The following TTF2 variants were observed in gnomAD, a reference collection of about 807,000 sequenced individuals.
TTF2 encodes the protein transcription termination factor 2.
In TTF2, 108 loss-of-function variants were observed where a neutral mutation model predicts 142.4. The observed-to-expected ratio is 0.76, with a 90% CI of 0.65 to 0.89. The LOEUF (loss-of-function observed/expected upper bound fraction) is 0.89, where lower values mean the gene tolerates loss of function less well. Ranked by LOEUF, TTF2 falls within the 40% of genes least tolerant of loss-of-function variation. TTF2 has a pLI of 0.00. For missense variants in TTF2, 1,327 were observed against 1,379.8 expected (o/e 0.96, Z 0.61); for synonymous variants, 483 against 506.2 (o/e 0.95, Z 0.61).
At chr1:117,094,683 C>G (rs755955466) in intron 18 of TTF2, 2 of 484,232 alleles carry the variant, frequency 4.1e-6, no homozygotes, top group East Asian at 1.2e-4. Context: ...TGTGTGTACT[C>G]ACAGCCCCTC....
Position 117,076,094 on chromosome 1 carries a change from T to G in TTF2, c.1276-86T>G. The G allele has an allele frequency of 1.4e-6, 2 of 1,383,910 alleles. No individual in the cohort carries two copies. Among genetic ancestry groups the G allele is most frequent in the South Asian group, 1.3e-5 (1 of 75,072 alleles). The allele number at this position is 1,383,910 out of a possible 1,614,324, so 85.7% of individuals were successfully genotyped here. A position where few individuals can be genotyped will look rare whatever the true frequency, so the allele number is the denominator to read the frequency against. On this transcript the variant is annotated intron_variant, in intron 5 of 22. Transcript: ENST00000369466. The surrounding 1 kb of genome is among the most constrained non-coding windows in gnomAD (Gnocchi z 4.6). ...TATTTAAAAGACCATAATTTCAGAG[T>G]TTGGGTGTTTCAGGCTATTTTAATC... is the stretch of plus-strand genomic sequence containing the variant.
In TTF2 at chr1:117,076,420, T is replaced by TA; in HGVS notation, c.1390+126_1390+127insA. 1.1e-6 allele frequency: 1 copy of TA among 907,406 alleles called. No individual in the cohort carries two copies. The highest frequency in any genetic ancestry group is 1.7e-6 in the Non-Finnish European group (1 of 600,772). 56.2% of individuals were successfully genotyped at this position (907,406 alleles called of 1,614,324 possible). On this transcript the variant is annotated intron_variant, in intron 6 of 22. Coordinates refer to ENST00000369466, the MANE Select transcript of TTF2 (RefSeq NM_003594.4). This position sits in a 1 kb window ranked among gnomAD's most constrained non-coding sequence, Gnocchi z 4.6. The stretch of plus-strand genomic sequence containing the variant: ...CCATTTTATTATCTGCTTCTGAGAC[T>TA]TCTTTCACATTACACCTATGGTTCA...
At chr1:117,089,067 T>G in intron 13 of TTF2, 85 bp downstream of exon 13, 1 of 1,409,598 alleles carries the variant, frequency 7.1e-7, no homozygotes. Context: ...AAAGCCTTAG[T>G]ATGTGCCAGA....
chr1:117,103,897 G>A lies in TTF2; in HGVS notation c.*2373G>A, dbSNP rs1440235234. 1 of 149,856 alleles carries A rather than the reference G, an allele frequency of 6.7e-6. No individual in the cohort carries two copies. The highest frequency in any genetic ancestry group is 1.5e-5 in the Non-Finnish European group (1 of 68,126). The allele number at this position is 149,856 out of a possible 1,614,324, so 9.3% of individuals were successfully genotyped here. On this transcript the variant is annotated 3_prime_UTR_variant, in exon 23 of 23. Transcript: ENST00000369466. ...GAACCTGGGAGGTGGAGGTTGCAGTGAGCTGAGATCGCGCCATTGCACTCC... is the reference window on the plus strand; with the variant it reads ...GAACCTGGGAGGTGGAGGTTGCAGTAAGCTGAGATCGCGCCATTGCACTCC...
chr1:117,088,706 G>T (rs559264490), intron 12 of TTF2, 95 bp from the exon 13 acceptor site: 5 of 1,369,186 alleles, frequency 3.7e-6, no homozygotes, highest in Non-Finnish European at 5.0e-6. Context: ...AGGTAAATGT[G>T]GGTCCTCCAT....
Position 117,081,921 on chromosome 1 carries a change from C to T in TTF2, c.1877C>T (p.Thr626Ile). 6.2e-7 allele frequency: 1 copy of T among 1,614,148 alleles called. No homozygotes were observed. Among genetic ancestry groups the T allele is most frequent in the Non-Finnish European group, 8.5e-7 (1 of 1,180,012 alleles). ...AAAAAGGAAGAAAAGGAGAAAAGCACAGCTTTGACGTGGCTCTCCAAAGAT... is the reference window on the plus strand; with the variant it reads ...AAAAAGGAAGAAAAGGAGAAAAGCATAGCTTTGACGTGGCTCTCCAAAGAT... Reference protein sequence around the residue: ...QEKKEEKEKSTALTWLSKDDS... With the variant: ...QEKKEEKEKSIALTWLSKDDS... The change falls in exon 10 of 23, where the codon ACA becomes ATA. Residue 626 changes from threonine to isoleucine, a missense_variant. By Grantham distance (89) the Thr-to-Ile change is moderately conservative (BLOSUM62 -1). Transcript: ENST00000369466.
chr1:117,093,488 T>C lies in TTF2; in HGVS notation c.2976+587T>C, dbSNP rs551333157. Among the ~76,000 whole-genome samples, 20 of 152,322 alleles carry C rather than the reference T, an allele frequency of 1.3e-4. No individual in the cohort carries two copies. The highest frequency in any genetic ancestry group is 4.6e-4 in the African/African-American group (19 of 41,584). On this transcript the variant is annotated intron_variant, in intron 18 of 22. Transcript: ENST00000369466. The surrounding 1 kb of genome is among the most constrained non-coding windows in gnomAD (Gnocchi z 4.5). ...AATGTGCTTCATCATCCTGCCTGTC[T>C]TGAAAGTGAGGCTTGTTTCTCTCTT...
rs2101042837 is a variant in TTF2, at chr1:117,078,178, C to G, written c.1701+135C>G. On this transcript the variant is annotated intron_variant, in intron 8 of 22. Coordinates refer to ENST00000369466, the MANE Select transcript of TTF2 (RefSeq NM_003594.4). ...TAAATGGCTTCCCTTGCAGCATCCT[C>G]TCCTTTTATGCTTAACAGTGCAAAC... is the stretch of plus-strand genomic sequence containing the variant. 1.4e-5 allele frequency: 16 copies of G among 1,143,930 alleles called. 1 individual carries two copies. The highest frequency in any genetic ancestry group is 3.0e-4 in the Middle Eastern group (1 of 3,312). 70.9% of individuals were successfully genotyped at this position (1,143,930 alleles called of 1,614,324 possible). A position where few individuals can be genotyped will look rare whatever the true frequency, so the allele number is the denominator to read the frequency against.
Position 117,076,368 on chromosome 1 carries a change from A to G in TTF2, c.1390+74A>G. 1 of 1,219,744 alleles carries G rather than the reference A, an allele frequency of 8.2e-7. No individual in the cohort carries two copies. The highest frequency in any genetic ancestry group is 2.4e-5 in the East Asian group (1 of 41,674). 75.6% of individuals were successfully genotyped at this position (1,219,744 alleles called of 1,614,324 possible). ...GAGACATTCGGGAAGCCCTTTTAAT[A>G]AAGAATGTGTTGATTCATTCACTTT... On this transcript the variant is annotated intron_variant, in intron 6 of 22. Transcript: ENST00000369466. This position sits in a 1 kb window ranked among gnomAD's most constrained non-coding sequence, Gnocchi z 4.6.
In TTF2 at chr1:117,093,475, C is replaced by G. The variant is rs980206838; in HGVS notation, c.2976+574C>G. On this transcript the variant is annotated intron_variant, in intron 18 of 22. Coordinates refer to ENST00000369466, the MANE Select transcript of TTF2 (RefSeq NM_003594.4). This position sits in a 1 kb window ranked among gnomAD's most constrained non-coding sequence, Gnocchi z 4.5. ...TCTGCTGGCTCGGAATGTGCTTCAT[C>G]ATCCTGCCTGTCTTGAAAGTGAGGC... is the stretch of plus-strand genomic sequence containing the variant. 5.3e-5 allele frequency among the ~76,000 whole-genome samples: 8 copies of G among 152,276 alleles called. No homozygotes were observed. The highest frequency in any genetic ancestry group is 5.2e-4 in the Admixed American group (8 of 15,284).
chr1:117,071,407 G>A (rs1656565494), intron 3 of TTF2, among the ~76,000 whole-genome samples: 2 of 152,128 alleles, frequency 1.3e-5, no homozygotes, highest in Admixed American at 6.5e-5. Context: ...GAAAGGCAAG[G>A]TATTCAGCAG....
At position 117,073,273 on chromosome 1, in the gene TTF2, G is replaced by T. The variant is rs183586046; in HGVS notation, c.219-388G>T. Among the ~76,000 whole-genome samples, 58 of 151,834 alleles carry T rather than the reference G, an allele frequency of 3.8e-4. No homozygotes were observed. In the East Asian group the frequency reaches 0.011, roughly 29 times the overall value. Reference sequence around the variant, plus strand: ...TTTGTTTTGGCTTCGTTGTTTTGGGGTTTTTTTTGGGGCAACATTGCTTTG... The same window carrying T: ...TTTGTTTTGGCTTCGTTGTTTTGGGTTTTTTTTTGGGGCAACATTGCTTTG... On this transcript the variant is annotated intron_variant, in intron 3 of 22. Coordinates refer to ENST00000369466, the MANE Select transcript of TTF2 (RefSeq NM_003594.4). This position sits in a 1 kb window ranked among gnomAD's most constrained non-coding sequence, Gnocchi z 4.4.
At position 117,098,838 on chromosome 1, in the gene TTF2, C is replaced by T; in HGVS notation, c.3275C>T (p.Pro1092Leu). Residue 1092 changes from proline to leucine, a missense_variant, in exon 22 of 23, where the codon CCA becomes CTA. Transcript: ENST00000369466. Reference protein sequence around the residue: ...HLFLLDMHWNPSLEDQACDRI... With the variant: ...HLFLLDMHWNLSLEDQACDRI... ...CTTTAGCTGTCTTCTAACAGGAATC[C>T]ATCACTTGAAGATCAAGCTTGTGAC... 6.2e-7 allele frequency: 1 copy of T among 1,611,384 alleles called. No homozygotes were observed. The highest frequency in any genetic ancestry group is 8.5e-7 in the Non-Finnish European group (1 of 1,179,218).
intron 2 of TTF2, 103 bp from the exon 3 acceptor site, chr1:117,062,284 T>A: frequency 9.9e-7 from 1 of 1,010,990 alleles, no homozygotes; most frequent in South Asian, 1.5e-5. Flanking sequence ...GTAGAGGTTA[T>A]ACATAGATTC....
chr1:117,088,098 T>G (rs1167851657), intron 12 of TTF2, among the ~76,000 whole-genome samples: 1 of 152,236 alleles, frequency 6.6e-6, no homozygotes, highest in African/African-American at 2.4e-5. Context: ...TGGTTTAGCA[T>G]CTCACATCTA....
chr1:117,083,368 C>G (rs1236439502), intron 10 of TTF2, among the ~76,000 whole-genome samples: 1 of 152,092 alleles, frequency 6.6e-6, no homozygotes, highest in African/African-American at 2.4e-5. Flanking sequence ...GGCACACACA[C>G]GCAGAGATGA....
chr1:117,101,463 G>A lies in TTF2; in HGVS notation c.3428G>A (p.Gly1143Glu). The A allele has an allele frequency of 2.5e-6, 4 of 1,610,142 alleles. No homozygotes were observed. The highest frequency in any genetic ancestry group is 2.5e-6 in the Non-Finnish European group (3 of 1,179,222). ...KKDLAKQVLS[G>E]SGESVTKLTL... ...GATTTGGCCAAACAAGTTCTATCAGGGTCTGGAGAATCTGTCACCAAGCTC... is the reference window on the plus strand; with the variant it reads ...GATTTGGCCAAACAAGTTCTATCAGAGTCTGGAGAATCTGTCACCAAGCTC... Residue 1143 changes from glycine to glutamate, a missense_variant, in exon 23 of 23, where the codon GGG (glycine) becomes GAG (glutamate). Gly to Glu is a moderately conservative substitution (Grantham distance 98). Coordinates refer to ENST00000369466, the MANE Select transcript of TTF2 (RefSeq NM_003594.4). This position sits in a 1 kb window ranked among gnomAD's most constrained non-coding sequence, Gnocchi z 5.9.
chr1:117,078,582 T>C (rs1349356133), intron 8 of TTF2, among the ~76,000 whole-genome samples: 1 of 152,144 alleles, frequency 6.6e-6, no homozygotes, highest in Admixed American at 6.6e-5. Flanking sequence ...GATAAAGAGA[T>C]TGGTATTCAG....
Position 117,086,507 on chromosome 1 carries a change from A to G in TTF2, c.2145A>G (p.Ala715=). Residue 715 remains alanine (A), a synonymous_variant, in exon 12 of 23, where the codon GCA becomes GCG. Transcript: ENST00000369466. This position sits in a 1 kb window ranked among gnomAD's most constrained non-coding sequence, Gnocchi z 4.2. ...TNKQEAEIPG[A]NLNVEGTSTP... The stretch of plus-strand genomic sequence containing the variant: ...AGCAAGAGGCAGAGATCCCAGGTGC[A>G]AACCTCAATGTGGAGGTGAGGCTGG... The G allele has an allele frequency of 1.2e-6, 2 of 1,613,966 alleles. No individual in the cohort carries two copies. The highest frequency in any genetic ancestry group is 1.7e-6 in the Non-Finnish European group (2 of 1,179,912).
Sources: allele counts gnomAD v4.1 joint callset (sites outside exome capture counted in the v4.1 genomes callset), GRCh38; gene constraint gnomAD v4.1.1; non-coding constraint Gnocchi (gnomAD v3.1); transcripts MANE v1.5; gene names NCBI Gene and HGNC (gene_info 2026-07-23, HGNC 2026-07-21).